SOX6: variants seen among roughly 807,000 people sequenced by gnomAD.
SOX6 encodes SRY-box transcription factor 6, also known as transcription factor SOX-6.
In SOX6, 11 loss-of-function variants were observed where a neutral mutation model predicts 97.8. That is an observed-to-expected ratio of 0.11 (90% CI 0.07 to 0.19). The LOEUF (loss-of-function observed/expected upper bound fraction) is 0.19. Ranked by LOEUF, SOX6 falls within the 10% of genes least tolerant of loss-of-function variation. The probability of loss-of-function intolerance (pLI) is 1.00; values close to 1 mark genes in which losing one functional copy is unlikely to be tolerated. For synonymous variants in SOX6, 360 were observed against 371.4 expected (o/e 0.97, Z 0.35); for missense variants, 810 against 1,039.5 (o/e 0.78, Z 3.04).
intron 7 of SOX6, among the ~76,000 whole-genome samples, chr11:16,103,787 C>T (rs747453150): frequency 1.3e-4 from 20 of 151,600 alleles, no homozygotes; most frequent in Non-Finnish European, 2.8e-4. Context: ...GAAAACCAAG[C>T]ATCGTATTCT....
At chr11:16,523,896 A>G (rs962190599) in intron 4 of SOX6, among the ~76,000 whole-genome samples, 1 of 152,252 alleles carries the variant, frequency 6.6e-6, no homozygotes, top group Non-Finnish European at 1.5e-5. Flanking sequence ...AAATGGATAA[A>G]TTCCTCAACA....
chr11:16,406,862 C>G (rs1326559861), intron 1 of SOX6, among the ~76,000 whole-genome samples: 1 of 152,088 alleles, frequency 6.6e-6, no homozygotes, highest in Admixed American at 6.6e-5. Flanking sequence ...TACATAGCCA[C>G]TCAAAATTGA....
chr11:16,173,557 G>C (rs1039909106), intron 6 of SOX6, among the ~76,000 whole-genome samples: 3 of 148,852 alleles, frequency 2.0e-5, no homozygotes, highest in African/African-American at 4.9e-5. Context: ...TAATTTTCTT[G>C]CTTTGGGTTT....
intron 6 of SOX6, among the ~76,000 whole-genome samples, chr11:16,158,030 G>A (rs10766300): frequency 0.31 from 46,362 of 151,828 alleles, 8,531 homozygotes; most frequent in Non-Finnish European, 0.41. Flanking sequence ...TAGACTGTGA[G>A]CTTCCAAAGA....
intron 4 of SOX6, among the ~76,000 whole-genome samples, chr11:16,195,142 T>C (rs34315049): frequency 0.096 from 14,604 of 152,132 alleles, 1,068 homozygotes; most frequent in Admixed American, 0.22. Flanking sequence ...GTAAGAAAAA[T>C]AGACTTTATT....
intron 1 of SOX6, among the ~76,000 whole-genome samples, chr11:16,405,219 AT>A (rs1036574491): frequency 3.3e-5 from 5 of 152,050 alleles, no homozygotes; most frequent in African/African-American, 1.2e-4. Context: ...AAAGCCAGTT[AT>A]TATAAAAACA....
At chr11:16,140,734 A>G (rs1177175728) in intron 6 of SOX6, among the ~76,000 whole-genome samples, 4 of 152,180 alleles carry the variant, frequency 2.6e-5, no homozygotes, top group African/African-American at 4.8e-5. Context: ...AATAATTCAC[A>G]TTTGCAATAG....
chr11:16,346,433 T>G (rs1158193531), intron 1 of SOX6, among the ~76,000 whole-genome samples: 2 of 152,054 alleles, frequency 1.3e-5, no homozygotes, highest in Non-Finnish European at 2.9e-5. Flanking sequence ...TGGTACATCC[T>G]AATTCTAGAC....
At chr11:16,441,512 C>A (rs1566771) in intron 1 of SOX6, among the ~76,000 whole-genome samples, 2 of 151,944 alleles carry the variant, frequency 1.3e-5, no homozygotes, top group Non-Finnish European at 2.9e-5. Flanking sequence ...CACCTCCCTG[C>A]AGCAATCCAA....
chr11:16,227,581 G>GCCCAACTCATTCAA (rs2134166079), intron 4 of SOX6, among the ~76,000 whole-genome samples: 1 of 151,792 alleles, frequency 6.6e-6, no homozygotes, highest in South Asian at 2.1e-4. Flanking sequence ...GCCTCACCAG[G>GCCCAACTCATTCAA]CCCAACTCAT....
In SOX6 at chr11:16,096,041, G is replaced by A; in HGVS notation, c.1056C>T (p.Thr352=). The A allele has an allele frequency of 6.2e-7, 1 of 1,611,212 alleles. No homozygotes were observed. Among genetic ancestry groups the A allele is most frequent in the Non-Finnish European group, 8.5e-7 (1 of 1,178,444 alleles). Residue 352 remains threonine (T), a synonymous_variant, in exon 9 of 16, where the codon ACC becomes ACT. Transcript: ENST00000683767. ...AAGAGTGGCCACCACCATGTTCAAA[G>A]GTGTCCAAATTCCTGCCAAAACGGT... ...LSDRFGRNLD[T]FEHGGGHSYN... is the part of the protein sequence containing the mutation.
At chr11:16,483,239 G>C (rs954146670) in intron 4 of SOX6, among the ~76,000 whole-genome samples, 8 of 152,108 alleles carry the variant, frequency 5.3e-5, no homozygotes, top group African/African-American at 1.9e-4. Context: ...GTATAATATA[G>C]TAAATGCTGA....
intron 3 of SOX6, among the ~76,000 whole-genome samples, chr11:16,643,250 T>C (rs922321725): frequency 1.3e-5 from 2 of 152,214 alleles, no homozygotes; most frequent in Non-Finnish European, 2.9e-5. Flanking sequence ...ACAGCAAATG[T>C]TGCTGCCTGA....
intron 6 of SOX6, among the ~76,000 whole-genome samples, chr11:16,168,626 T>C (rs1234626713): frequency 6.6e-6 from 1 of 152,056 alleles, no homozygotes; most frequent in Non-Finnish European, 1.5e-5. Flanking sequence ...TGGGAGGAAA[T>C]GGCTTTTACT....
At chr11:16,515,891 T>C (rs1860963244) in intron 4 of SOX6, among the ~76,000 whole-genome samples, 1 of 136,686 alleles carries the variant, frequency 7.3e-6, no homozygotes, top group Non-Finnish European at 1.6e-5. Flanking sequence ...GGCTCTGTTC[T>C]GTTCCATTGA....
intron 9 of SOX6, among the ~76,000 whole-genome samples, chr11:16,082,637 G>T (rs920988972): frequency 1.3e-5 from 2 of 152,116 alleles, no homozygotes; most frequent in Non-Finnish European, 2.9e-5. Flanking sequence ...ATTTGCCACA[G>T]GGTACCATTG....
intron 1 of SOX6, among the ~76,000 whole-genome samples, chr11:16,367,841 T>C (rs1857397154): frequency 6.6e-6 from 1 of 152,172 alleles, no homozygotes; most frequent in African/African-American, 2.4e-5. Flanking sequence ...TACATGTACA[T>C]TATAAAAGTA....
At chr11:16,414,596 CTA>C (rs1183380838) in intron 1 of SOX6, among the ~76,000 whole-genome samples, 6 of 151,642 alleles carry the variant, frequency 4.0e-5, no homozygotes, top group Non-Finnish European at 7.4e-5. Context: ...CCATCAGAAA[CTA>C]GTATTAATAA....
intron 1 of SOX6, among the ~76,000 whole-genome samples, chr11:16,457,664 C>T (rs1016146676): frequency 6.6e-6 from 1 of 152,052 alleles, no homozygotes; most frequent in African/African-American, 2.4e-5. Flanking sequence ...ACTATGCTTA[C>T]TTAAAGCCTA....
Sources: gnomAD v4.1 joint callset for allele counts (sites outside exome capture counted in the v4.1 genomes callset) on GRCh38, gnomAD v4.1.1 for gene constraint, MANE v1.5 for transcripts, NCBI Gene and HGNC (gene_info 2026-07-23, HGNC 2026-07-21) for gene names.